Variants in ANKS1B observed in about 807,000 individuals in gnomAD.
ANKS1B encodes ankyrin repeat and sterile alpha motif domain-containing protein 1B.
ANKS1B carries 36 observed loss-of-function variants against 148.3 expected under a neutral mutation model. The observed-to-expected ratio is 0.24, with a 90% CI of 0.19 to 0.32. The LOEUF is 0.32. ANKS1B is among the 10% of genes least tolerant of loss of function. ANKS1B has a pLI of 1.00. For synonymous variants in ANKS1B, 542 were observed against 560.8 expected, an observed-to-expected ratio of 0.97 and a Z score of 0.47; for missense variants, 1,157 against 1,542.6, an observed-to-expected ratio of 0.75 and a Z score of 4.19.
At chr12:98,866,796 C>A (rs921058197) in intron 17 of ANKS1B, among the ~76,000 whole-genome samples, 6 of 152,192 alleles carry the variant, frequency 3.9e-5, no homozygotes, top group African/African-American at 1.4e-4. Context: ...CTCTCTCTGG[C>A]TTAGGTACCC....
intron 12 of ANKS1B, among the ~76,000 whole-genome samples, chr12:99,384,547 T>C (rs951883436): frequency 1.3e-5 from 2 of 152,096 alleles, no homozygotes; most frequent in Non-Finnish European, 2.9e-5. Flanking sequence ...ACTAAAGACT[T>C]AAGTAGGAAT....
chr12:99,476,320 G>A (rs1028078121), intron 10 of ANKS1B, among the ~76,000 whole-genome samples: 1 of 152,146 alleles, frequency 6.6e-6, no homozygotes, highest in African/African-American at 2.4e-5. Flanking sequence ...TTGAACCTGG[G>A]AGGTGCAGGT....
intron 8 of ANKS1B, among the ~76,000 whole-genome samples, chr12:99,685,808 G>A (rs1388016232): frequency 6.6e-6 from 1 of 151,706 alleles, no homozygotes; most frequent in Non-Finnish European, 1.5e-5. Context: ...GCCATAAAAA[G>A]GAATGAAATA....
chr12:99,178,967 T>C (rs1197556073), intron 14 of ANKS1B, among the ~76,000 whole-genome samples: 1 of 152,112 alleles, frequency 6.6e-6, no homozygotes, highest in African/African-American at 2.4e-5. Flanking sequence ...TGCTTTAGCA[T>C]GATAAAGGAA....
chr12:99,724,698 T>A (rs1036986489), intron 8 of ANKS1B, among the ~76,000 whole-genome samples: 1 of 151,692 alleles, frequency 6.6e-6, no homozygotes, highest in African/African-American at 2.4e-5. Context: ...CCAAGACACA[T>A]AATCATTAGA....
At chr12:99,066,830 G>T (rs2044523477) in intron 16 of ANKS1B, among the ~76,000 whole-genome samples, 1 of 152,154 alleles carries the variant, frequency 6.6e-6, no homozygotes, top group African/African-American at 2.4e-5. Context: ...CATGGATCAG[G>T]AATCTGTCAG....
chr12:99,506,907 G>A (rs2096717344), intron 9 of ANKS1B, among the ~76,000 whole-genome samples: 2 of 151,920 alleles, frequency 1.3e-5, no homozygotes, highest in Admixed American at 1.3e-4. Flanking sequence ...GAAACACATT[G>A]TACAATGAGT....
At chr12:99,529,387 T>C (rs1342732150) in intron 9 of ANKS1B, among the ~76,000 whole-genome samples, 2 of 152,198 alleles carry the variant, frequency 1.3e-5, no homozygotes, top group African/African-American at 2.4e-5. Context: ...GCGTATTAGC[T>C]CACACCTGTA....
At chr12:99,594,670 A>G (rs2097738518) in intron 9 of ANKS1B, among the ~76,000 whole-genome samples, 1 of 152,050 alleles carries the variant, frequency 6.6e-6, no homozygotes, top group African/African-American at 2.4e-5. Context: ...AAAATGATCA[A>G]ACTCACAGAG....
intron 9 of ANKS1B, among the ~76,000 whole-genome samples, chr12:99,620,702 A>C (rs991147538): frequency 1.4e-4 from 21 of 152,180 alleles, no homozygotes; most frequent in African/African-American, 5.1e-4. Context: ...GTTAGACAAA[A>C]ACAAAGAAAA....
intron 1 of ANKS1B, among the ~76,000 whole-genome samples, chr12:99,946,425 G>T (rs1384971270): frequency 1.3e-5 from 2 of 152,088 alleles, no homozygotes; most frequent in Non-Finnish European, 2.9e-5. Flanking sequence ...CCACCTTCTC[G>T]CTGTGTCCTC....
chr12:99,181,533 A>G (rs996937940), intron 14 of ANKS1B, among the ~76,000 whole-genome samples: 1 of 152,226 alleles, frequency 6.6e-6, no homozygotes, highest in Non-Finnish European at 1.5e-5. Context: ...GGCCTTCACA[A>G]GAGAAAATAT....
intron 19 of ANKS1B, among the ~76,000 whole-genome samples, chr12:98,823,592 C>A (rs2099219732): frequency 6.6e-6 from 1 of 152,226 alleles, no homozygotes; most frequent in African/African-American, 2.4e-5. Flanking sequence ...AGGGTTCAAG[C>A]AATTCTCCTG....
intron 2 of ANKS1B, among the ~76,000 whole-genome samples, chr12:99,822,189 A>G (rs964071410): frequency 4.6e-5 from 7 of 152,162 alleles, no homozygotes; most frequent in Admixed American, 3.3e-4. Flanking sequence ...TATGACCACC[A>G]AACCTAAGAT....
chr12:98,991,060 C>T (rs2099926331), intron 17 of ANKS1B, among the ~76,000 whole-genome samples: 1 of 152,140 alleles, frequency 6.6e-6, no homozygotes, highest in Admixed American at 6.5e-5. Flanking sequence ...TGAGGGACCT[C>T]AGGAAGAGAG....
intron 14 of ANKS1B, among the ~76,000 whole-genome samples, chr12:99,180,535 T>G (rs2078979176): frequency 6.6e-6 from 1 of 152,158 alleles, no homozygotes; most frequent in Non-Finnish European, 1.5e-5. Flanking sequence ...GGTTTGTTTC[T>G]TAGGTAATCA....
intron 14 of ANKS1B, among the ~76,000 whole-genome samples, chr12:99,157,075 T>C (rs1387446668): frequency 1.3e-5 from 2 of 152,188 alleles, no homozygotes; most frequent in Non-Finnish European, 2.9e-5. Context: ...GCATAGTACT[T>C]GATTATATTT....
In ANKS1B at chr12:98,981,492, C is replaced by T. The variant is rs746933222; in HGVS notation, c.2778+71665G>A. On this transcript the variant is annotated intron_variant, in intron 17 of 26. Transcript: ENST00000683438. ...CTGCAACTACAGGCGCATACCACCA[C>T]GCCTGGCTCATTTTTGTATTTTTAG... 3.3e-4 allele frequency among the ~76,000 whole-genome samples: 50 copies of T among 152,068 alleles called. 1 individual carries two copies. The highest frequency in any genetic ancestry group is 2.4e-4 in the Non-Finnish European group (16 of 68,006).
chr12:99,310,239 C>T (rs1479993802), intron 12 of ANKS1B, among the ~76,000 whole-genome samples: 8 of 152,114 alleles, frequency 5.3e-5, no homozygotes, highest in Non-Finnish European at 1.2e-4. Flanking sequence ...TCTTTCATTA[C>T]TGGGATATCA....
Sources: allele counts gnomAD v4.1 joint callset (sites outside exome capture counted in the v4.1 genomes callset), GRCh38; gene constraint gnomAD v4.1.1; transcripts MANE v1.5; gene names NCBI Gene and HGNC (gene_info 2026-07-23, HGNC 2026-07-21).